POC1B: variants seen among roughly 807,000 people sequenced by gnomAD.
The protein encoded by POC1B is POC1 centriolar protein homolog B.
A neutral mutation model predicts 60.6 loss-of-function variants in POC1B; 44 were observed. The ratio of observed to expected loss-of-function variants is 0.73; its 90% CI spans 0.57 to 0.93. The LOEUF (loss-of-function observed/expected upper bound fraction) is 0.93. Ranked by LOEUF, POC1B falls within the 40% of genes least tolerant of loss-of-function variation. POC1B has a pLI of 0.00. For missense variants in POC1B, 555 were observed against 572.3 expected (o/e 0.97, Z 0.31); for synonymous variants, 180 against 198.9 (o/e 0.90, Z 0.80).
At chr12:89,416,424 G>T (rs1404851337), downstream of POC1B, among the ~76,000 whole-genome samples, 1 of 152,194 alleles carries the variant, frequency 6.6e-6, no homozygotes, top group Non-Finnish European at 1.5e-5. Context: ...GCAGGGCTGA[G>T]GAAAAGATGC....
chr12:89,500,278 A>C, intron 2 of POC1B: 1 of 1,546,462 alleles, frequency 6.5e-7, no homozygotes, highest in East Asian at 2.3e-5. Flanking sequence ...TGCTTAATTC[A>C]ACACGCAAAA....
In POC1B at chr12:89,517,436, C is replaced by T. The variant is rs142862136; in HGVS notation, c.100+7684G>A. Among the ~76,000 whole-genome samples the T allele has an allele frequency of 3.2e-3, 486 of 152,124 alleles. 3 individuals carry two copies. Among genetic ancestry groups the T allele is most frequent in the African/African-American group, 0.011 (475 of 41,480 alleles). ...TCACTTGAGGTCAGGAGTTCCAGACCACCCTGGCCAACATGGTGAAACCCC... is the reference window on the plus strand; with the variant it reads ...TCACTTGAGGTCAGGAGTTCCAGACTACCCTGGCCAACATGGTGAAACCCC... On this transcript the variant is annotated intron_variant, in intron 2 of 11. Transcript: ENST00000313546.
At chr12:89,491,541 C>T (rs1409031650) in intron 4 of POC1B, among the ~76,000 whole-genome samples, 1 of 150,274 alleles carries the variant, frequency 6.7e-6, no homozygotes, top group African/African-American at 2.5e-5. Flanking sequence ...GGAGAATCAC[C>T]TGAACCCAGG....
At chr12:89,444,588 T>C (rs554946784) in intron 10 of POC1B, among the ~76,000 whole-genome samples, 2 of 152,298 alleles carry the variant, frequency 1.3e-5, no homozygotes, top group Non-Finnish European at 2.9e-5. Context: ...ATAAACTACG[T>C]ATTGATGGGA....
chr12:89,475,109 G>C (rs943687080), intron 4 of POC1B, among the ~76,000 whole-genome samples: 2 of 152,168 alleles, frequency 1.3e-5, no homozygotes, highest in Non-Finnish European at 2.9e-5. Flanking sequence ...CATAATTTTA[G>C]AAAGTGATAG....
chr12:89,482,449 G>A (rs1344043155), intron 4 of POC1B, among the ~76,000 whole-genome samples: 1 of 152,044 alleles, frequency 6.6e-6, no homozygotes, highest in African/African-American at 2.4e-5. Context: ...TTACAAATAT[G>A]ATGAAAAAAT....
chr12:89,445,461 C>T (rs1301509186), intron 10 of POC1B, among the ~76,000 whole-genome samples: 1 of 152,108 alleles, frequency 6.6e-6, no homozygotes, highest in African/African-American at 2.4e-5. Flanking sequence ...CACACATCTA[C>T]CACCATCTGA....
At chr12:89,412,846 C>CCTTG in the POC1B span, among the ~76,000 whole-genome samples, 2 of 125,042 alleles carry the variant, frequency 1.6e-5, no homozygotes, top group South Asian at 6.2e-4. Flanking sequence ...TTCCTTCCTT[C>CCTTG]CTTTCCTTCC....
chr12:89,500,322 A>G lies in POC1B; in HGVS notation c.101-2980T>C. The G allele has an allele frequency of 2.6e-6, 4 of 1,525,312 alleles. No individual in the cohort carries two copies. The South Asian group carries it at 3.4e-5, about 13-fold the overall frequency. The allele number at this position is 1,525,312 out of a possible 1,614,324, so 94.5% of individuals were successfully genotyped here. ...ACTTGTATTCAGTCACCAAGCAAAG[A>G]GTGCCAGAAATCACATCCAAAGTCA... is the stretch of plus-strand genomic sequence containing the variant. On this transcript the variant is annotated intron_variant, in intron 2 of 11. Coordinates refer to ENST00000313546, the MANE Select transcript of POC1B (RefSeq NM_172240.3).
intron 2 of POC1B, chr12:89,501,857 C>A (rs1869587242): frequency 1.7e-6 from 2 of 1,181,812 alleles, no homozygotes; most frequent in Admixed American, 3.4e-5. Flanking sequence ...AAGACAGCAA[C>A]TAAAGACAGC....
At chr12:89,442,265 A>T (rs868540213) in intron 10 of POC1B, among the ~76,000 whole-genome samples, 1 of 152,198 alleles carries the variant, frequency 6.6e-6, no homozygotes, top group African/African-American at 2.4e-5. Flanking sequence ...CGCCACAAAG[A>T]TACTCCTTAA....
At chr12:89,436,412 T>A (rs968568252) in intron 10 of POC1B, among the ~76,000 whole-genome samples, 3 of 152,162 alleles carry the variant, frequency 2.0e-5, no homozygotes, top group Admixed American at 1.3e-4. Flanking sequence ...ATAACCAGCA[T>A]GATTCAAATA....
At chr12:89,437,710 A>G (rs1565896552) in intron 10 of POC1B, among the ~76,000 whole-genome samples, 1 of 150,636 alleles carries the variant, frequency 6.6e-6, no homozygotes, top group East Asian at 2.0e-4. Context: ...GTACATTCTC[A>G]TTGCTTGGTA....
At chr12:89,466,275 T>C (rs1293541348) in intron 9 of POC1B, among the ~76,000 whole-genome samples, 1 of 152,238 alleles carries the variant, frequency 6.6e-6, no homozygotes, top group Non-Finnish European at 1.5e-5. Context: ...AACCTACAGC[T>C]AAATAGATAA....
chr12:89,411,836 A>G, the POC1B span, among the ~76,000 whole-genome samples: 1 of 152,226 alleles, frequency 6.6e-6, no homozygotes, highest in Non-Finnish European at 1.5e-5. Flanking sequence ...CACAGTTGTT[A>G]TTAGTGTTCT....
chr12:89,486,916 G>GAC lies in POC1B; in HGVS notation c.452+5018_452+5019dup, dbSNP rs60433981. Among the ~76,000 whole-genome samples the GAC allele has an allele frequency of 7.1e-3, 1,055 of 148,770 alleles. 12 individuals carry two copies. The highest frequency in any genetic ancestry group is 0.025 in the African/African-American group (1,001 of 40,588). On this transcript the variant is annotated intron_variant, in intron 4 of 11. Coordinates refer to ENST00000313546, the MANE Select transcript of POC1B (RefSeq NM_172240.3). ...TCTCTCTCTCTCTCACACACACACA[G>GAC]ACACACACACACACACAGACACACA... is the stretch of plus-strand genomic sequence containing the variant.
intron 2 of POC1B, chr12:89,521,672 A>G: frequency 4.4e-6 from 1 of 227,660 alleles, no homozygotes. Context: ...CCAAAGTTAC[A>G]TTCCTCAGCT....
At chr12:89,402,260 G>C in the POC1B span, among the ~76,000 whole-genome samples, 3 of 151,896 alleles carry the variant, frequency 2.0e-5, no homozygotes, top group South Asian at 2.1e-4. Flanking sequence ...TGTCCTTCTT[G>C]AAGTCTTCAG....
chr12:89,481,123 C>T (rs1301124312), intron 4 of POC1B, among the ~76,000 whole-genome samples: 1 of 152,204 alleles, frequency 6.6e-6, no homozygotes, highest in African/African-American at 2.4e-5. Flanking sequence ...ATCCACCCGC[C>T]TCGGCCTCCC....
Sources: allele counts gnomAD v4.1 joint callset (sites outside exome capture counted in the v4.1 genomes callset), GRCh38; gene constraint gnomAD v4.1.1; transcripts MANE v1.5; gene names NCBI Gene and HGNC (gene_info 2026-07-23, HGNC 2026-07-21).